The following CDH13 variants were observed in gnomAD, a reference collection of about 807,000 sequenced individuals.
CDH13 encodes the protein cadherin-13.
Under a neutral mutation model 63.8 loss-of-function variants are expected in CDH13, and 24 were observed. That is an observed-to-expected ratio of 0.38 (90% confidence interval 0.27 to 0.53). The LOEUF (loss-of-function observed/expected upper bound fraction) is 0.53, where lower values mean the gene tolerates loss of function less well. CDH13 is among the 20% of genes least tolerant of loss of function. The probability of loss-of-function intolerance (pLI) is 0.85; values close to 1 mark genes in which losing one functional copy is unlikely to be tolerated. For synonymous variants in CDH13, 503 were observed against 355.3 expected, an observed-to-expected ratio of 1.42 and a Z score of -4.67; for missense variants, 1,049 against 903.1, an observed-to-expected ratio of 1.16 and a Z score of -2.07.
At chr16:82,637,427 C>CATTTTTTTT (rs1567577161) in intron 1 of CDH13, among the ~76,000 whole-genome samples, 1 of 54,754 alleles carries the variant, frequency 1.8e-5, no homozygotes, top group African/African-American at 8.5e-5. Flanking sequence ...AGTTACTGTG[C>CATTTTTTTT]CTTTTTTTTT....
intron 1 of CDH13, among the ~76,000 whole-genome samples, chr16:82,641,384 C>T (rs1368450402): frequency 2.0e-5 from 3 of 152,186 alleles, no homozygotes; most frequent in Admixed American, 6.5e-5. Flanking sequence ...TATGTGATTT[C>T]TCTTGCCACC....
intron 1 of CDH13, among the ~76,000 whole-genome samples, chr16:82,654,555 G>A (rs1911084817): frequency 6.6e-6 from 1 of 152,112 alleles, no homozygotes; most frequent in South Asian, 2.1e-4. Flanking sequence ...TCTTTTTGAA[G>A]CTCTCAAATA....
chr16:82,997,675 A>T (rs980239632), intron 2 of CDH13, among the ~76,000 whole-genome samples: 1 of 152,120 alleles, frequency 6.6e-6, no homozygotes, highest in Non-Finnish European at 1.5e-5. Flanking sequence ...GGCACAAGAG[A>T]TTTTTCCACA....
At chr16:83,050,916 C>G (rs1177543148) in intron 3 of CDH13, among the ~76,000 whole-genome samples, 2 of 152,126 alleles carry the variant, frequency 1.3e-5, no homozygotes, top group Non-Finnish European at 2.9e-5. Flanking sequence ...TCCTCACCAC[C>G]TGGGAGGTCA....
chr16:83,783,483 C>T lies in CDH13; in HGVS notation c.2134+11C>T. Reference sequence around the variant, plus strand: ...TCTTCAGCTTAGCTTGTAAGTTGACCTAACTCCAGTGCATGCACAAACAGG... The same window carrying T: ...TCTTCAGCTTAGCTTGTAAGTTGACTTAACTCCAGTGCATGCACAAACAGG... On this transcript the variant is annotated intron_variant, in intron 13 of 13. Coordinates refer to ENST00000567109, the MANE Select transcript of CDH13 (RefSeq NM_001257.5). The T allele has an allele frequency of 6.2e-7, 1 of 1,607,260 alleles. No homozygotes were observed. Among genetic ancestry groups the T allele is most frequent in the Non-Finnish European group, 8.5e-7 (1 of 1,173,980 alleles).
chr16:83,224,630 T>C (rs2039791355), intron 5 of CDH13, among the ~76,000 whole-genome samples: 1 of 152,202 alleles, frequency 6.6e-6, no homozygotes, highest in South Asian at 2.1e-4. Flanking sequence ...GAATCTCGAC[T>C]CTCCTATCAC....
chr16:82,894,899 A>G (rs1364453312), intron 2 of CDH13, among the ~76,000 whole-genome samples: 1 of 152,086 alleles, frequency 6.6e-6, no homozygotes, highest in Non-Finnish European at 1.5e-5. Context: ...GCCAAGAAGG[A>G]AGGCCAGGCT....
At chr16:83,009,191 C>G (rs1913863104) in intron 2 of CDH13, among the ~76,000 whole-genome samples, 1 of 152,194 alleles carries the variant, frequency 6.6e-6, no homozygotes. Context: ...GAATGAATGA[C>G]TGAATGACAC....
chr16:83,152,195 A>T (rs951633388), intron 4 of CDH13, among the ~76,000 whole-genome samples: 1 of 152,162 alleles, frequency 6.6e-6, no homozygotes, highest in African/African-American at 2.4e-5. Context: ...ACATCTTTCT[A>T]AAATTGCTGT....
chr16:82,701,289 C>T (rs1368245933), intron 1 of CDH13, among the ~76,000 whole-genome samples: 4 of 152,102 alleles, frequency 2.6e-5, no homozygotes, highest in Admixed American at 6.5e-5. Flanking sequence ...CTTAGATGGA[C>T]CACGGGGTCC....
intron 13 of CDH13, among the ~76,000 whole-genome samples, 152 bp from the exon 14 acceptor site, chr16:83,794,871 T>C (rs1904274707): frequency 6.6e-6 from 1 of 151,270 alleles, no homozygotes; most frequent in Admixed American, 6.6e-5. Context: ...TCTTCCAATG[T>C]GATCCTTAAG....
At chr16:83,336,943 G>A (rs927730396) in intron 5 of CDH13, among the ~76,000 whole-genome samples, 1 of 152,102 alleles carries the variant, frequency 6.6e-6, no homozygotes, top group Non-Finnish European at 1.5e-5. Context: ...ACATCCCTTT[G>A]GGTAAGATCT....
chr16:83,495,761 C>G (rs886181235), intron 7 of CDH13, among the ~76,000 whole-genome samples: 1 of 152,042 alleles, frequency 6.6e-6, no homozygotes, highest in Non-Finnish European at 1.5e-5. Context: ...GACTTTTTGG[C>G]TTGTAGAGCA....
At chr16:83,437,763 C>T (rs541311530) in intron 6 of CDH13, among the ~76,000 whole-genome samples, 1 of 152,242 alleles carries the variant, frequency 6.6e-6, no homozygotes, top group Non-Finnish European at 1.5e-5. Flanking sequence ...TGCCCTTTTC[C>T]CATGAACCCC....
At chr16:82,941,031 T>G (rs1051630509) in intron 2 of CDH13, among the ~76,000 whole-genome samples, 8 of 152,088 alleles carry the variant, frequency 5.3e-5, no homozygotes, top group African/African-American at 1.9e-4. Context: ...ACAACAAGCA[T>G]ATGACGGGGA....
At chr16:83,772,183 C>A (rs534275710) in intron 11 of CDH13, among the ~76,000 whole-genome samples, 3 of 152,044 alleles carry the variant, frequency 2.0e-5, no homozygotes, top group Non-Finnish European at 4.4e-5. Flanking sequence ...GACTGAAAGA[C>A]ATGCTTAAGA....
chr16:83,350,285 G>A (rs943993710), intron 6 of CDH13, among the ~76,000 whole-genome samples: 8 of 152,222 alleles, frequency 5.3e-5, no homozygotes, highest in African/African-American at 1.9e-4. Flanking sequence ...CCCCCACCCT[G>A]GACGGGTGGG....
chr16:82,799,583 T>C (rs1438491551), intron 1 of CDH13, among the ~76,000 whole-genome samples: 1 of 152,248 alleles, frequency 6.6e-6, no homozygotes, highest in Non-Finnish European at 1.5e-5. Flanking sequence ...GGAAAACTCT[T>C]ACTTAGTATT....
At chr16:82,746,888 C>A (rs377223304) in intron 1 of CDH13, among the ~76,000 whole-genome samples, 1 of 152,134 alleles carries the variant, frequency 6.6e-6, no homozygotes, top group Admixed American at 6.5e-5. Flanking sequence ...AATATTAAAA[C>A]AATTGTTAAG....
Sources: allele counts gnomAD v4.1 joint callset (sites outside exome capture counted in the v4.1 genomes callset), GRCh38; gene constraint gnomAD v4.1.1; transcripts MANE v1.5; gene names NCBI Gene and HGNC (gene_info 2026-07-23, HGNC 2026-07-21).